USP15: variants seen among roughly 807,000 people sequenced by gnomAD.
USP15 encodes the protein ubiquitin specific peptidase 15.
Under a neutral mutation model 127.1 loss-of-function variants are expected in USP15, and 18 were observed. The observed-to-expected ratio is 0.14, with a 90% confidence interval of 0.10 to 0.21. USP15 has a LOEUF of 0.21. USP15 is among the 10% of genes least tolerant of loss of function. The pLI, the probability that USP15 is intolerant of heterozygous loss-of-function variation, is 1.00. For synonymous variants in USP15, 364 were observed against 393.7 expected (o/e 0.92, Z 0.89); for missense variants, 805 against 1,159.9 (o/e 0.69, Z 4.44).
chr12:62,324,023 A>G (rs1346308458), intron 5 of USP15, among the ~76,000 whole-genome samples: 1 of 151,420 alleles, frequency 6.6e-6, no homozygotes, highest in Non-Finnish European at 1.5e-5. Context: ...TAATACTTAG[A>G]TTGAAAGTAT....
rs148232262 is a variant in USP15, at chr12:62,298,002, C to T, written c.217+3696C>T. On this transcript the variant is annotated intron_variant, in intron 2 of 21. Transcript: ENST00000280377. ...GAAGAACCAAACAAATTTTGGAATA[C>T]GATAACTGAAAAATTCACTAGAGGT... Among the ~76,000 whole-genome samples, 144 of 152,160 alleles carry T rather than the reference C, an allele frequency of 9.5e-4. 2 individuals carry two copies. In the East Asian group the frequency reaches 0.011, roughly 12 times the overall value.
intron 8 of USP15, among the ~76,000 whole-genome samples, chr12:62,374,715 T>A (rs2066768966): frequency 6.6e-6 from 1 of 152,114 alleles, no homozygotes; most frequent in Non-Finnish European, 1.5e-5. Flanking sequence ...GACTCTTACA[T>A]GCAGCAGTTA....
intron 6 of USP15, among the ~76,000 whole-genome samples, chr12:62,337,541 G>A (rs1336319541): frequency 6.6e-6 from 1 of 152,018 alleles, no homozygotes; most frequent in Non-Finnish European, 1.5e-5. Flanking sequence ...CTATGCATGT[G>A]CCGTGGTAGT....
At chr12:62,301,473 G>A (rs1039898305) in intron 2 of USP15, among the ~76,000 whole-genome samples, 1 of 152,076 alleles carries the variant, frequency 6.6e-6, no homozygotes, top group Non-Finnish European at 1.5e-5. Flanking sequence ...ACAAAATGTA[G>A]CATATCCATA....
Position 62,330,836 on chromosome 12 carries a change from A to G in USP15, c.683+4903A>G, listed in dbSNP as rs1386371063. 2.0e-5 allele frequency among the ~76,000 whole-genome samples: 3 copies of G among 151,240 alleles called. No homozygotes were observed. The East Asian group carries it at 5.9e-4, about 30-fold the overall frequency. ...AGCTACTCCAGAAGCTGGGGTGGGA[A>G]GATTGCATGAGCCCAGGAGTTCAAG... is the stretch of plus-strand genomic sequence containing the variant. On this transcript the variant is annotated intron_variant, in intron 6 of 21. Transcript: ENST00000280377.
intron 8 of USP15, among the ~76,000 whole-genome samples, chr12:62,376,146 T>A (rs925242011): frequency 4.0e-5 from 6 of 150,494 alleles, no homozygotes; most frequent in African/African-American, 1.5e-4. Context: ...TTTTAATCCT[T>A]AAATTTTCAA....
chr12:62,372,539 T>G (rs1444601382), intron 8 of USP15, among the ~76,000 whole-genome samples: 1 of 152,066 alleles, frequency 6.6e-6, no homozygotes, highest in Admixed American at 6.6e-5. Flanking sequence ...ATCAATAAAC[T>G]TTAAAAAAAA....
rs11174464 is a variant in USP15, at chr12:62,408,324, A to G, written c.*3949A>G. On this transcript the variant is annotated 3_prime_UTR_variant, in exon 22 of 22. Transcript: ENST00000280377. ...TGCATTTCATTATTGCCTACTTCCA[A>G]CTCTCCCTATGTAGTATGTTTCTGA... The G allele has an allele frequency of 0.26, 34,091 of 129,694 alleles. 4,168 individuals carry two copies. The highest frequency in any genetic ancestry group is 0.34 in the African/African-American group (13,908 of 40,630). 8.0% of individuals were successfully genotyped at this position (129,694 alleles called of 1,614,324 possible). A position where few individuals can be genotyped will look rare whatever the true frequency, so the allele number is the denominator to read the frequency against.
At chr12:62,283,926 A>C (rs536463224) in intron 1 of USP15, among the ~76,000 whole-genome samples, 1 of 152,204 alleles carries the variant, frequency 6.6e-6, no homozygotes, top group African/African-American at 2.4e-5. Flanking sequence ...TGGGCAGCAG[A>C]GCGAGACCCT....
intron 4 of USP15, among the ~76,000 whole-genome samples, chr12:62,320,006 A>C (rs958162305): frequency 6.6e-6 from 1 of 152,158 alleles, no homozygotes; most frequent in African/African-American, 2.4e-5. Context: ...GGGTGTGTCC[A>C]CTTTGGAAAT....
chr12:62,288,560 G>T (rs1313933462), intron 1 of USP15, among the ~76,000 whole-genome samples: 1 of 151,992 alleles, frequency 6.6e-6, no homozygotes, highest in Non-Finnish European at 1.5e-5. Flanking sequence ...GAGATAACTT[G>T]GCTTCCTCTT....
intron 1 of USP15, among the ~76,000 whole-genome samples, chr12:62,292,132 G>A (rs2063987748): frequency 6.6e-6 from 1 of 151,736 alleles, no homozygotes. Flanking sequence ...GGTCTCTTGT[G>A]GAGAGGGGTG....
At chr12:62,366,360 T>C (rs1565890071) in intron 8 of USP15, among the ~76,000 whole-genome samples, 2 of 152,230 alleles carry the variant, frequency 1.3e-5, no homozygotes, top group Admixed American at 1.3e-4. Context: ...TTATCTGTTA[T>C]TGGTATATAG....
Position 62,359,475 on chromosome 12 carries a change from A to G in USP15, c.915+4000A>G, listed in dbSNP as rs150512468. Among the ~76,000 whole-genome samples the G allele has an allele frequency of 1.6e-3, 242 of 152,264 alleles. 3 individuals carry two copies. Among genetic ancestry groups the G allele is most frequent in the Non-Finnish European group, 2.3e-3 (157 of 68,018 alleles). The stretch of plus-strand genomic sequence containing the variant: ...TGAGTTGATGGTTTTAACTCGTAGG[A>G]TGCTGACTGGCACATTATAAATACT... On this transcript the variant is annotated intron_variant, in intron 8 of 21. Coordinates refer to ENST00000280377, the MANE Select transcript of USP15 (RefSeq NM_001252078.2).
chr12:62,358,861 A>C (rs1038443924), intron 8 of USP15, among the ~76,000 whole-genome samples: 6 of 152,206 alleles, frequency 3.9e-5, no homozygotes, highest in African/African-American at 9.7e-5. Context: ...TATGTAGGTT[A>C]TATACAAATA....
At chr12:62,375,110 ATTC>A (rs2066785493) in intron 8 of USP15, among the ~76,000 whole-genome samples, 2 of 152,260 alleles carry the variant, frequency 1.3e-5, no homozygotes, top group Admixed American at 6.5e-5. Flanking sequence ...ATTTAGAATA[ATTC>A]TTCTTTAGAA....
Position 62,362,543 on chromosome 12 carries a change from A to G in USP15, c.915+7068A>G, listed in dbSNP as rs191436625. Reference sequence around the variant, plus strand: ...TGGATATTTTTCATCCTTCAATGACAAAGTTGATTTTTGAAAGCCAGAAGT... The same window carrying G: ...TGGATATTTTTCATCCTTCAATGACGAAGTTGATTTTTGAAAGCCAGAAGT... On this transcript the variant is annotated intron_variant, in intron 8 of 21. Transcript: ENST00000280377. Among the ~76,000 whole-genome samples the G allele has an allele frequency of 2.9e-4, 44 of 152,306 alleles. 1 individual carries two copies. Among genetic ancestry groups the G allele is most frequent in the Admixed American group, 1.1e-3 (17 of 15,288 alleles).
In USP15 at chr12:62,314,811, G is replaced by A. The variant is rs1474448211; in HGVS notation, c.370G>A (p.Val124Ile). 2 of 1,588,418 alleles carry A rather than the reference G, an allele frequency of 1.3e-6. No homozygotes were observed. The highest frequency in any genetic ancestry group is 2.3e-5 in the East Asian group (1 of 43,148). ...TTAGGTGGTTGAACAGGGTATGTTT[G>A]TAAAGCACTGCAAAGTAGAAGTATA... ...ARKVVEQGMF[V>I]KHCKVEVYLT... Residue 124 changes from valine (V) to isoleucine (I), a missense_variant, in exon 4 of 22, where the codon GTA becomes ATA. Physicochemically the swap from Val to Ile is conservative, Grantham distance 29. Around this residue, in one of 11 missense-constraint regions of USP15, gnomAD observed 69 missense variants for 126.4 expected, o/e 0.55. Coordinates refer to ENST00000280377, the MANE Select transcript of USP15 (RefSeq NM_001252078.2).
chr12:62,375,280 C>T (rs1380691416), intron 8 of USP15, among the ~76,000 whole-genome samples: 1 of 152,116 alleles, frequency 6.6e-6, no homozygotes, highest in East Asian at 1.9e-4. Flanking sequence ...AGGAAAACCT[C>T]TTTAGGCATC....
Sources: allele counts gnomAD v4.1 joint callset (sites outside exome capture counted in the v4.1 genomes callset), GRCh38; gene constraint gnomAD v4.1.1; regional missense constraint gnomAD v4.1.1; transcripts MANE v1.5; gene names NCBI Gene and HGNC (gene_info 2026-07-23, HGNC 2026-07-21).